P3H3: variants seen among roughly 807,000 people sequenced by gnomAD.
P3H3 encodes the protein gene rich cluster, B.
In P3H3, 64 loss-of-function variants were observed where a neutral mutation model predicts 78.1. The ratio of observed to expected loss-of-function variants is 0.82; its 90% CI spans 0.67 to 1.01. The LOEUF (loss-of-function observed/expected upper bound fraction) is 1.01, where lower values mean the gene tolerates loss of function less well. Among genes scored for constraint, P3H3 ranks in the 50% least tolerant of loss-of-function variants. The pLI, the probability that P3H3 is intolerant of heterozygous loss-of-function variation, is 0.00. For missense variants in P3H3, 975 were observed against 982.2 expected, an observed-to-expected ratio of 0.99 and a Z score of 0.10; for synonymous variants, 425 against 416.7, an observed-to-expected ratio of 1.02 and a Z score of -0.24.
rs1278548086 is a variant in P3H3 at position 6,839,276 on chromosome 12, C to T, written c.2047-21C>T. 3 of 1,554,502 alleles carry T rather than the reference C, an allele frequency of 1.9e-6. No homozygotes were observed. In the African/African-American group the frequency reaches 4.1e-5, roughly 21 times the overall value. ...GAAGGTGGGTGCAGGGAATGGGCCA[C>T]ACTCTCCTCCCCAACCCCAGGAGTG... On this transcript the variant is annotated intron_variant, in intron 14 of 14. Coordinates refer to ENST00000290510, the MANE Select transcript of P3H3 (RefSeq NM_014262.5).
rs997707556 is a variant in P3H3, at chr12:6,839,527, C to A, written c.*66C>A. The A allele has an allele frequency of 6.6e-7, 1 of 1,515,856 alleles. No homozygotes were observed. The highest frequency in any genetic ancestry group is 1.2e-5 in the South Asian group (1 of 80,830). The allele number at this position is 1,515,856 out of a possible 1,614,324, so 93.9% of individuals were successfully genotyped here. On this transcript the variant is annotated 3_prime_UTR_variant, in exon 15 of 15. Transcript: ENST00000290510. ...GTGGAAGGCCATCTTGATGCCAGGA[C>A]ACACAGGAAGCCCCTGTGTGACATC...
intron 9 of P3H3, 84 bp downstream of exon 9, chr12:6,834,133 A>G (rs782356550): frequency 2.0e-5 from 31 of 1,580,810 alleles, no homozygotes; most frequent in Non-Finnish European, 2.7e-5. Flanking sequence ...TGCCCCCTTC[A>G]TTCTGCCTGT....
chr12:6,830,880 A>G, intron 4 of P3H3, 110 bp downstream of exon 4: 3 of 1,481,918 alleles, frequency 2.0e-6, no homozygotes, highest in Non-Finnish European at 9.4e-7. Context: ...TTTCACTGTC[A>G]GGGCTGCATG....
Position 6,830,684 on chromosome 12 carries a change from A to G in P3H3, c.899A>G (p.Glu300Gly), listed in dbSNP as rs1555121253. 14 of 1,613,436 alleles carry G rather than the reference A, an allele frequency of 8.7e-6. No homozygotes were observed. The South Asian group carries it at 1.4e-4, about 16-fold the overall frequency. Reference sequence around the variant, plus strand: ...CAGTGCCGGCAACGCTGTGTGGGGGAAACAGCCACACGCCCTGGTCGCAGC... The same window carrying G: ...CAGTGCCGGCAACGCTGTGTGGGGGGAACAGCCACACGCCCTGGTCGCAGC... ...VLQCRQRCVGETATRPGRSFP... is the reference protein window; with the variant it reads ...VLQCRQRCVGGTATRPGRSFP... The change falls in exon 4 of 15, where the codon GAA becomes GGA. Residue 300 changes from glutamate to glycine, a missense_variant. By Grantham distance (98) the Glu-to-Gly change is moderately conservative. Coordinates refer to ENST00000290510, the MANE Select transcript of P3H3 (RefSeq NM_014262.5).
At chr12:6,836,149 G>C (rs1337712502) in intron 9 of P3H3, among the ~76,000 whole-genome samples, 1 of 151,618 alleles carries the variant, frequency 6.6e-6, no homozygotes, top group East Asian at 1.9e-4. Context: ...TGGAGCCTGG[G>C]AGGTGGAGAT....
chr12:6,838,851 C>T, intron 13 of P3H3, 149 bp from the exon 14 acceptor site: 1 of 595,592 alleles, frequency 1.7e-6, no homozygotes. Flanking sequence ...CTCATTTGCC[C>T]CAAGCTAGTC....
chr12:6,828,636 A>C lies in P3H3; in HGVS notation c.196A>C (p.Ser66Arg). 8.2e-7 allele frequency: 1 copy of C among 1,215,792 alleles called. No homozygotes were observed. Among genetic ancestry groups the C allele is most frequent in the Non-Finnish European group, 1.0e-6 (1 of 978,454 alleles). 75.3% of individuals were successfully genotyped at this position (1,215,792 alleles called of 1,614,324 possible). ...GGCGCTGCTGCGGGAGGCGCTGCGG[A>C]GCCAGGCGGCGCTGGGCCGGGTGCG... ...AVALLREALRSQAALGRVRLD... is the reference protein window; with the variant it reads ...AVALLREALRRQAALGRVRLD... The change falls in exon 1 of 15, where the codon AGC (serine) becomes CGC (arginine). Residue 66 changes from serine to arginine, a missense_variant. Transcript: ENST00000290510.
rs1555120894 is a variant in P3H3, at chr12:6,828,887, C to T, written c.447C>T (p.Asp149=). ...ARLRVGSALR[D]AFRRREPYNY... ...TTCGCGTGGGGAGCGCGCTCCGGGA[C>T]GCCTTCCGCCGTCGGGAGCCCTACA... The change falls in exon 1 of 15, where the codon GAC becomes GAT. Residue 149 remains aspartate (D), a synonymous_variant. Transcript: ENST00000290510. 5 of 1,247,230 alleles carry T rather than the reference C, an allele frequency of 4.0e-6. No individual in the cohort carries two copies. Among genetic ancestry groups the T allele is most frequent in the African/African-American group, 3.1e-5 (2 of 64,488 alleles). The allele number at this position is 1,247,230 out of a possible 1,614,324, so 77.3% of individuals were successfully genotyped here.
intron 3 of P3H3, 34 bp from the exon 4 acceptor site, chr12:6,830,604 GA>G (rs1555121225): frequency 6.3e-7 from 1 of 1,596,656 alleles, no homozygotes; most frequent in South Asian, 1.1e-5. Flanking sequence ...GGAGGGGCAT[GA>G]ACAAGCTGAA....
chr12:6,830,999 C>T, intron 4 of P3H3: 1 of 827,142 alleles, frequency 1.2e-6, no homozygotes, highest in Non-Finnish European at 2.0e-6. Flanking sequence ...CTTTATTTTC[C>T]CCCCTCTTGC....
At position 6,831,081 on chromosome 12, in the gene P3H3, C is replaced by A; in HGVS notation, c.986-135C>A. 8.8e-7 allele frequency: 1 copy of A among 1,136,274 alleles called. No homozygotes were observed. Among genetic ancestry groups the A allele is most frequent in the Non-Finnish European group, 1.3e-6 (1 of 748,182 alleles). 70.4% of individuals were successfully genotyped at this position (1,136,274 alleles called of 1,614,324 possible). On this transcript the variant is annotated intron_variant, in intron 4 of 14. Transcript: ENST00000290510. This position sits in a 1 kb window ranked among gnomAD's most constrained non-coding sequence, Gnocchi z 4.6. ...AAGAACCGGCAGCTGAACTTGTCTG[C>A]CAGTGGGAAGGGGGCTCTTGGAGTT... is the stretch of plus-strand genomic sequence containing the variant.
chr12:6,832,789 A>T (rs186940849), intron 6 of P3H3, among the ~76,000 whole-genome samples: 1 of 150,820 alleles, frequency 6.6e-6, no homozygotes, highest in Admixed American at 6.6e-5. Context: ...TTTAGTAGAG[A>T]TGGGGTTTCA....
chr12:6,837,646 C>T (rs782020854), intron 11 of P3H3, 73 bp downstream of exon 11: 626 of 1,578,774 alleles, frequency 4.0e-4, no homozygotes, highest in Non-Finnish European at 5.0e-4. Context: ...CCAAGAGCCC[C>T]GGGGTGGACG....
chr12:6,836,985 G>C lies in P3H3; in HGVS notation c.1459G>C (p.Asp487His). The part of the protein sequence containing the change: ...ECGVLLQLAK[D>H]AAGAGARSGY... ...CCACGGTAAACTCCTTCCTATTTAG[G>C]ATGCAGCTGGGGCTGGAGCCAGGTC... The change falls in exon 10 of 15, where the codon GAT becomes CAT. Residue 487 changes from aspartate (D) to histidine (H), a missense_variant and splice_region_variant. By Grantham distance (81) the Asp-to-His change is moderately conservative. Transcript: ENST00000290510. 6.2e-7 allele frequency: 1 copy of C among 1,610,514 alleles called. No homozygotes were observed. The highest frequency in any genetic ancestry group is 2.2e-5 in the East Asian group (1 of 44,878).
In P3H3 at chr12:6,837,089, G is replaced by A; in HGVS notation, c.1560+3G>A. The A allele has an allele frequency of 6.3e-7, 1 of 1,599,926 alleles. No individual in the cohort carries two copies. Among genetic ancestry groups the A allele is most frequent in the South Asian group, 1.1e-5 (1 of 91,020 alleles). On this transcript the variant is annotated splice_donor_region_variant and intron_variant, in intron 10 of 14. Transcript: ENST00000290510. ...TCACGGTGCTTAAGGCTGCGCAGGT[G>A]AGCACAGGAGGCACCCGGGCCCGTC...
rs1270710803 is a variant in P3H3 at position 6,829,608 on chromosome 12, G to A, written c.499-251G>A. 4 of 516,496 alleles carry A rather than the reference G, an allele frequency of 7.7e-6. No homozygotes were observed. The highest frequency in any genetic ancestry group is 7.7e-5 in the African/African-American group (4 of 52,036). The allele number at this position is 516,496 out of a possible 1,614,324, so 32.0% of individuals were successfully genotyped here. Reference sequence around the variant, plus strand: ...CCAAATTGAGGTCCTGAAGTCCTGAGACCCATGTCCCACCCAACTCCGACG... The same window carrying A: ...CCAAATTGAGGTCCTGAAGTCCTGAAACCCATGTCCCACCCAACTCCGACG... On this transcript the variant is annotated intron_variant, in intron 1 of 14. Transcript: ENST00000290510. The surrounding 1 kb of genome is among the most constrained non-coding windows in gnomAD (Gnocchi z 5.1).
In P3H3 at chr12:6,829,049, C is replaced by T. The variant is rs1242761788; in HGVS notation, c.498+111C>T. On this transcript the variant is annotated intron_variant, in intron 1 of 14. Coordinates refer to ENST00000290510, the MANE Select transcript of P3H3 (RefSeq NM_014262.5). The surrounding 1 kb of genome is among the most constrained non-coding windows in gnomAD (Gnocchi z 5.1). ...GCTGTTGCCCGGGCCCCGCACGGGG[C>T]TGGGGAGCGTACCGCGGGCCTCTGC... The T allele has an allele frequency of 1.0e-5, 7 of 669,172 alleles. No homozygotes were observed. The highest frequency in any genetic ancestry group is 1.3e-5 in the Non-Finnish European group (6 of 474,320). The allele number at this position is 669,172 out of a possible 1,614,324, so 41.5% of individuals were successfully genotyped here. A position where few individuals can be genotyped will look rare whatever the true frequency, so the allele number is the denominator to read the frequency against.
chr12:6,839,499 C>G lies in P3H3; in HGVS notation c.*38C>G. On this transcript the variant is annotated 3_prime_UTR_variant, in exon 15 of 15. Transcript: ENST00000290510. ...GCTCCTTGAGGATGTGGCCACTTGA[C>G]TTGTGGAAGGCCATCTTGATGCCAG... 2 of 1,541,180 alleles carry G rather than the reference C, an allele frequency of 1.3e-6. No homozygotes were observed. Among genetic ancestry groups the G allele is most frequent in the South Asian group, 2.4e-5 (2 of 83,646 alleles).
chr12:6,832,049 G>C, intron 6 of P3H3, 135 bp downstream of exon 6: 1 of 631,888 alleles, frequency 1.6e-6, no homozygotes, highest in East Asian at 2.8e-5. Context: ...TTACAGGGAC[G>C]GAGACAGTGT....
Sources: allele counts gnomAD v4.1 joint callset (sites outside exome capture counted in the v4.1 genomes callset), GRCh38; gene constraint gnomAD v4.1.1; non-coding constraint Gnocchi (gnomAD v3.1); transcripts MANE v1.5; gene names NCBI Gene and HGNC (gene_info 2026-07-23, HGNC 2026-07-21).